Variants in EYA1 observed in about 807,000 individuals in gnomAD.
EYA1 encodes EYA transcriptional coactivator and phosphatase 1, also known as protein phosphatase EYA1.
EYA1 carries 16 observed loss-of-function variants against 82.0 expected under a neutral mutation model. The ratio of observed to expected loss-of-function variants is 0.20; its 90% CI spans 0.13 to 0.30. The LOEUF (loss-of-function observed/expected upper bound fraction) is 0.30. Among genes scored for constraint, EYA1 ranks in the 10% least tolerant of loss-of-function variants. The pLI, the probability that EYA1 is intolerant of heterozygous loss-of-function variation, is 1.00. For synonymous variants in EYA1, 261 were observed against 264.4 expected (o/e 0.99, Z 0.12); for missense variants, 633 against 730.7 (o/e 0.87, Z 1.54).
At chr8:71,208,731 A>T (rs986548445) in intron 17 of EYA1, among the ~76,000 whole-genome samples, 1 of 113,484 alleles carries the variant, frequency 8.8e-6, no homozygotes, top group African/African-American at 4.9e-5. Context: ...AGTATAATAA[A>T]AAAAAGAAAA....
chr8:71,236,434 G>A (rs1336218241), intron 12 of EYA1, among the ~76,000 whole-genome samples: 32 of 152,098 alleles, frequency 2.1e-4, no homozygotes, highest in Admixed American at 1.7e-3. Flanking sequence ...ACTTGAAATC[G>A]ACCATGAATA....
rs545966689 is a variant in EYA1 at position 71,430,979 on chromosome 8, T to C, written c.34-74468A>G. 2.0e-5 allele frequency among the ~76,000 whole-genome samples: 3 copies of C among 152,142 alleles called. No individual in the cohort carries two copies. In the East Asian group the frequency reaches 5.8e-4, roughly 29 times the overall value. On this transcript the variant is annotated intron_variant, in intron 2 of 18. Coordinates refer to the EYA1 transcript ENST00000643681. ...GGCTTTAATTAAGTGGATAAGTCCT[T>C]TGTAGAGTCAAGGTAGACACCCAAA...
At chr8:71,254,128 A>G (rs1299742376) in intron 11 of EYA1, among the ~76,000 whole-genome samples, 2 of 152,018 alleles carry the variant, frequency 1.3e-5, no homozygotes, top group South Asian at 2.1e-4. Context: ...AATGTACAGC[A>G]TAAGTAAAAA....
At chr8:71,477,271 T>TA (rs1439264931) in intron 2 of EYA1, among the ~76,000 whole-genome samples, 6 of 151,990 alleles carry the variant, frequency 3.9e-5, no homozygotes, top group Non-Finnish European at 8.8e-5. Context: ...ATCATAAAAG[T>TA]AAAAAAGACA....
At chr8:71,337,235 C>G (rs1293915959) in intron 3 of EYA1, among the ~76,000 whole-genome samples, 1 of 152,102 alleles carries the variant, frequency 6.6e-6, no homozygotes, top group Non-Finnish European at 1.5e-5. Context: ...GATCTGTTCC[C>G]CTTTAAATAA....
At position 71,361,855 on chromosome 8, in the gene EYA1, G is replaced by A. The variant is rs146081509; in HGVS notation, c.-263C>T. 7.7e-5 allele frequency: 76 copies of A among 985,336 alleles called. No individual in the cohort carries two copies. Among genetic ancestry groups the A allele is most frequent in the Middle Eastern group, 5.2e-4 (1 of 1,936 alleles). The allele number at this position is 985,336 out of a possible 1,614,324, so 61.0% of individuals were successfully genotyped here. On this transcript the variant is annotated 5_prime_UTR_variant, in exon 1 of 18. Transcript: ENST00000340726. Reference sequence around the variant, plus strand: ...GGGCAGGCGCCTGGCCGCTGCCGCAGGCTCGGGCTGCCGAGCGACTGAGCG... The same window carrying A: ...GGGCAGGCGCCTGGCCGCTGCCGCAAGCTCGGGCTGCCGAGCGACTGAGCG...
At chr8:71,422,882 CATG>C (rs1831220910) in intron 2 of EYA1, among the ~76,000 whole-genome samples, 1 of 152,150 alleles carries the variant, frequency 6.6e-6, no homozygotes, top group South Asian at 2.1e-4. Flanking sequence ...ATCAACAATT[CATG>C]ATGAGATTTG....
intron 2 of EYA1, among the ~76,000 whole-genome samples, chr8:71,421,063 C>T (rs746326615): frequency 2.0e-4 from 31 of 152,176 alleles, no homozygotes; most frequent in Admixed American, 6.5e-4. Context: ...AGTGCCAGGT[C>T]TATATTTGGG....
chr8:71,314,389 C>G (rs1426730913), intron 7 of EYA1, among the ~76,000 whole-genome samples: 1 of 152,108 alleles, frequency 6.6e-6, no homozygotes, highest in African/African-American at 2.4e-5. Flanking sequence ...ATAGCATTAT[C>G]CATCATCATT....
At chr8:71,270,891 G>A (rs1323670057) in intron 10 of EYA1, among the ~76,000 whole-genome samples, 2 of 152,088 alleles carry the variant, frequency 1.3e-5, no homozygotes, top group Non-Finnish European at 2.9e-5. Flanking sequence ...AGGCCGAGGT[G>A]GGTGGACCAT....
At chr8:71,300,419 C>T (rs997443521) in intron 7 of EYA1, among the ~76,000 whole-genome samples, 2 of 151,966 alleles carry the variant, frequency 1.3e-5, no homozygotes, top group African/African-American at 4.8e-5. Context: ...TTAAGCTATG[C>T]AAAACAATAA....
intron 2 of EYA1, among the ~76,000 whole-genome samples, chr8:71,523,494 C>G (rs568617133): frequency 1.1e-3 from 161 of 152,240 alleles, no homozygotes; most frequent in South Asian, 4.4e-3. Flanking sequence ...CTATTCAGCT[C>G]TTATTGGCAG....
intron 2 of EYA1, among the ~76,000 whole-genome samples, chr8:71,515,879 T>C (rs1754237656): frequency 6.6e-6 from 1 of 152,186 alleles, no homozygotes; most frequent in African/African-American, 2.4e-5. Context: ...ATGATGAATA[T>C]GACAAAGTAT....
chr8:71,218,769 A>C (rs191218132), intron 12 of EYA1, among the ~76,000 whole-genome samples: 1 of 152,130 alleles, frequency 6.6e-6, no homozygotes, highest in Admixed American at 6.5e-5. Flanking sequence ...CTGATATTTA[A>C]CCAGGAATGT....
chr8:71,344,483 TATGAG>T (rs1304104073), intron 3 of EYA1, among the ~76,000 whole-genome samples: 1 of 152,238 alleles, frequency 6.6e-6, no homozygotes, highest in Non-Finnish European at 1.5e-5. Flanking sequence ...ATGGCAACTT[TATGAG>T]ATATTTATTA....
At chr8:71,340,032 A>G (rs1337282142) in intron 3 of EYA1, among the ~76,000 whole-genome samples, 2 of 152,112 alleles carry the variant, frequency 1.3e-5, no homozygotes, top group African/African-American at 4.8e-5. Flanking sequence ...TATCCTAATT[A>G]CCTTCTGCCT....
intron 4 of EYA1, chr8:71,324,024 C>T (rs980549370): frequency 2.0e-5 from 3 of 152,082 alleles, no homozygotes; most frequent in Non-Finnish European, 2.9e-5. Flanking sequence ...GGTTAAAAAC[C>T]AAACAACAAA....
chr8:71,254,261 A>G (rs1038243417), intron 11 of EYA1, among the ~76,000 whole-genome samples: 30 of 149,986 alleles, frequency 2.0e-4, no homozygotes, highest in African/African-American at 5.8e-4. Context: ...AAAAAAAAAA[A>G]AAAAAAAGAA....
intron 2 of EYA1, among the ~76,000 whole-genome samples, chr8:71,500,194 A>G (rs768599377): frequency 5.3e-5 from 8 of 152,244 alleles, no homozygotes; most frequent in African/African-American, 9.6e-5. Context: ...TAGCATATGA[A>G]TAAATTTATT....
Sources: allele counts gnomAD v4.1 joint callset (sites outside exome capture counted in the v4.1 genomes callset), GRCh38; gene constraint gnomAD v4.1.1; transcripts MANE v1.5; gene names NCBI Gene and HGNC (gene_info 2026-07-23, HGNC 2026-07-21).